The following GALNT5 variants were observed in gnomAD, a reference collection of about 807,000 sequenced individuals.
GALNT5 encodes polypeptide N-acetylgalactosaminyltransferase 5.
A neutral mutation model predicts 85.4 loss-of-function variants in GALNT5; 72 were observed. The ratio of observed to expected loss-of-function variants is 0.84; its 90% CI spans 0.70 to 1.03. GALNT5 has a LOEUF of 1.03. Ranked by LOEUF, GALNT5 falls within the 50% of genes least tolerant of loss-of-function variation. GALNT5 has a pLI of 0.00. For synonymous variants in GALNT5, 404 were observed against 397.0 expected (o/e 1.02, Z -0.21); for missense variants, 1,137 against 1,135.5 (o/e 1.00, Z -0.02).
intron 5 of GALNT5, among the ~76,000 whole-genome samples, chr2:157,297,347 C>T (rs1683236593): frequency 6.6e-6 from 1 of 152,198 alleles, no homozygotes; most frequent in South Asian, 2.1e-4. Context: ...ATTTATTGAG[C>T]ACTCTGTGCC....
chr2:157,266,261 GA>G (rs533089615), intron 1 of GALNT5, among the ~76,000 whole-genome samples: 173 of 152,268 alleles, frequency 1.1e-3, no homozygotes, highest in African/African-American at 3.8e-3. Flanking sequence ...GATGAGGGGG[GA>G]AAAAAGAGCA....
intron 1 of GALNT5, among the ~76,000 whole-genome samples, chr2:157,266,138 A>T (rs1682452618): frequency 1.3e-5 from 2 of 152,352 alleles, no homozygotes; most frequent in South Asian, 4.1e-4. Flanking sequence ...CCTATCAATC[A>T]GGAGCGGTGC....
chr2:157,259,786 T>C (rs1035856409), intron 1 of GALNT5, among the ~76,000 whole-genome samples: 2 of 152,234 alleles, frequency 1.3e-5, no homozygotes, highest in African/African-American at 4.8e-5. Context: ...CTTCCCTCTG[T>C]TGAAAACCTA....
chr2:157,305,604 A>G (rs1683439147), intron 7 of GALNT5, 145 bp from the exon 8 acceptor site: 3 of 581,484 alleles, frequency 5.2e-6, no homozygotes, highest in Non-Finnish European at 9.2e-6. Context: ...ATAGCAACCA[A>G]TAAAACTGGA....
chr2:157,286,065 C>A lies in GALNT5; in HGVS notation c.1672C>A (p.Arg558=), dbSNP rs763921291. 1 of 1,608,780 alleles carries A rather than the reference C, an allele frequency of 6.2e-7. No homozygotes were observed. The highest frequency in any genetic ancestry group is 8.5e-7 in the Non-Finnish European group (1 of 1,175,274). ...DKYMSQFPKV[R]ILRLKERHGL... is the part of the protein sequence containing the mutation. ...ATACATGTCCCAGTTTCCAAAAGTT[C>A]GGATTCTTCGCCTCAAAGAGAGACA... Residue 558 remains arginine (R), a synonymous_variant, in exon 3 of 10, where the codon CGG becomes AGG. Transcript: ENST00000259056.
At position 157,258,475 on chromosome 2, in the gene GALNT5, T is replaced by A. The variant is rs919036613; in HGVS notation, c.393T>A (p.His131Gln). The change falls in exon 1 of 10, where the codon CAT (histidine) becomes CAA (glutamine). Residue 131 changes from histidine to glutamine, a missense_variant. By Grantham distance (24) the His-to-Gln change is conservative (BLOSUM62 0). Transcript: ENST00000259056. ...TTGTGCCGTTGTGGCATCCTGCACA[T>A]CTGCAGACCCTCCCTGTGACTCCTA... ...GKVVPLWHPA[H>Q]LQTLPVTPNK... 4 of 1,606,144 alleles carry A rather than the reference T, an allele frequency of 2.5e-6. No homozygotes were observed. Among genetic ancestry groups the A allele is most frequent in the Non-Finnish European group, 3.4e-6 (4 of 1,177,354 alleles).
chr2:157,276,135 G>A (rs1278700831), intron 1 of GALNT5, among the ~76,000 whole-genome samples: 2 of 152,288 alleles, frequency 1.3e-5, no homozygotes, highest in East Asian at 3.9e-4. Context: ...ATTGATTTGT[G>A]TATGTTGAAC....
intron 3 of GALNT5, among the ~76,000 whole-genome samples, chr2:157,289,669 T>C (rs1211454071): frequency 2.6e-5 from 4 of 152,260 alleles, no homozygotes; most frequent in South Asian, 2.1e-4. Flanking sequence ...GGAATTTTTT[T>C]CCCCTAATTT....
At position 157,284,271 on chromosome 2, in the gene GALNT5, T is replaced by C; in HGVS notation, c.1455-11T>C. On this transcript the variant is annotated splice_polypyrimidine_tract_variant and intron_variant, in intron 1 of 9. Coordinates refer to ENST00000259056, the MANE Select transcript of GALNT5 (RefSeq NM_014568.3). Reference sequence around the variant, plus strand: ...GCACATCTCTTGTGCTCTGCTTATATTCTGGCCCAGATGTGCAGAGCAGCT... The same window carrying C: ...GCACATCTCTTGTGCTCTGCTTATACTCTGGCCCAGATGTGCAGAGCAGCT... The C allele has an allele frequency of 2.5e-6, 4 of 1,612,776 alleles. No individual in the cohort carries two copies. Among genetic ancestry groups the C allele is most frequent in the Non-Finnish European group, 2.5e-6 (3 of 1,179,034 alleles).
At chr2:157,299,758 G>A (rs1369241650) in intron 6 of GALNT5, 93 bp downstream of exon 6, 2 of 594,880 alleles carry the variant, frequency 3.4e-6, no homozygotes, top group Admixed American at 3.0e-5. Context: ...GTATGTGACT[G>A]CCACTGAGAG....
chr2:157,300,834 G>A lies in GALNT5; in HGVS notation c.2274G>A (p.Glu758=), dbSNP rs1268740940. ...VAEVWLDEYK[E]LFYGHGDHLI... ...AGGTCTGGCTGGATGAGTATAAGGA[G>A]CTGTTCTATGGCCACGGAGACCACC... The change falls in exon 7 of 10, where the codon GAG becomes GAA. Residue 758 remains glutamate, a synonymous_variant. Transcript: ENST00000259056. 1 of 1,614,072 alleles carries A rather than the reference G, an allele frequency of 6.2e-7. No individual in the cohort carries two copies. Among genetic ancestry groups the A allele is most frequent in the South Asian group, 1.1e-5 (1 of 91,074 alleles).
chr2:157,267,743 C>T (rs1447137842), intron 1 of GALNT5, among the ~76,000 whole-genome samples: 1 of 152,214 alleles, frequency 6.6e-6, no homozygotes, highest in Non-Finnish European at 1.5e-5. Flanking sequence ...GATGACTTTA[C>T]ATTTACCATG....
chr2:157,274,254 C>T (rs899682136), intron 1 of GALNT5, among the ~76,000 whole-genome samples: 1 of 152,178 alleles, frequency 6.6e-6, no homozygotes, highest in African/African-American at 2.4e-5. Flanking sequence ...CAAGTCTTTA[C>T]AATCATTAAT....
chr2:157,301,044 A>C, intron 7 of GALNT5, 45 bp downstream of exon 7: 2 of 1,357,254 alleles, frequency 1.5e-6, no homozygotes, highest in Non-Finnish European at 2.1e-6. Context: ...TAAAAACAAA[A>C]CACAAAATCT....
Position 157,316,264 on chromosome 2 carries a change from T to A in GALNT5, c.*4916T>A, listed in dbSNP as rs1204060549. Among the ~76,000 whole-genome samples the A allele has an allele frequency of 6.6e-6, 1 of 152,064 alleles. No homozygotes were observed. The highest frequency in any genetic ancestry group is 2.4e-5 in the African/African-American group (1 of 41,422). On this transcript the variant is annotated 3_prime_UTR_variant, in exon 10 of 10. Transcript: ENST00000259056. ...GAGCCTCTAGCTTGCATATCTATAC[T>A]TGCAACTTGACTTTTCAGGCTGCTT...
Position 157,315,372 on chromosome 2 carries a change from T to C in GALNT5, c.*4024T>C, listed in dbSNP as rs987569304. ...AGTAAGAGATAAAACCCAGTTTCCA[T>C]TTTATCTGGCTCAAAAAAAATTTCT... On this transcript the variant is annotated 3_prime_UTR_variant, in exon 10 of 10. Coordinates refer to ENST00000259056, the MANE Select transcript of GALNT5 (RefSeq NM_014568.3). Among the ~76,000 whole-genome samples the C allele has an allele frequency of 6.6e-6, 1 of 152,166 alleles. No homozygotes were observed. Among genetic ancestry groups the C allele is most frequent in the African/African-American group, 2.4e-5 (1 of 41,428 alleles).
chr2:157,308,277 A>G (rs1683496181), intron 8 of GALNT5, among the ~76,000 whole-genome samples: 1 of 152,232 alleles, frequency 6.6e-6, no homozygotes, highest in South Asian at 2.1e-4. Flanking sequence ...TATTATTGTA[A>G]CTAACATTTA....
chr2:157,307,138 A>C (rs2105169569), intron 8 of GALNT5, among the ~76,000 whole-genome samples: 1 of 152,244 alleles, frequency 6.6e-6, no homozygotes. Flanking sequence ...TGAGAGGCAA[A>C]AGTATAAATT....
At chr2:157,296,342 T>C (rs1683212901) in intron 4 of GALNT5, 52 bp from the exon 5 acceptor site, 3 of 1,443,594 alleles carry the variant, frequency 2.1e-6, no homozygotes, top group Non-Finnish European at 1.9e-6. Context: ...ATAAAGTATA[T>C]AAAGATGTAT....
Sources: allele counts gnomAD v4.1 joint callset (sites outside exome capture counted in the v4.1 genomes callset), GRCh38; gene constraint gnomAD v4.1.1; transcripts MANE v1.5; gene names NCBI Gene and HGNC (gene_info 2026-07-23, HGNC 2026-07-21).